Variants in NTM observed in about 807,000 individuals in gnomAD.
NTM encodes IgLON family member 2.
In NTM, 13 loss-of-function variants were observed where a neutral mutation model predicts 42.1. The ratio of observed to expected loss-of-function variants is 0.31; its 90% CI spans 0.20 to 0.49. The LOEUF is 0.49. NTM is among the 20% of genes least tolerant of loss of function. The pLI is 0.99. For missense variants in NTM, 373 were observed against 452.8 expected (o/e 0.82, Z 1.60); for synonymous variants, 187 against 179.2 (o/e 1.04, Z -0.35).
At chr11:131,750,242 T>C (rs2135687758) in intron 1 of NTM, among the ~76,000 whole-genome samples, 1 of 140,858 alleles carries the variant, frequency 7.1e-6, no homozygotes, top group Non-Finnish European at 1.6e-5. Context: ...GCCACCTTTG[T>C]CCAGGATCTA....
rs1483290986 is a variant in NTM at position 131,621,341 on chromosome 11, CCAAGT to C, written c.82+250454_82+250458del. Among the ~76,000 whole-genome samples, 5 of 151,904 alleles carry C rather than the reference CCAAGT, an allele frequency of 3.3e-5. No individual in the cohort carries two copies. In the East Asian group the frequency reaches 9.7e-4, roughly 29 times the overall value. On this transcript the variant is annotated intron_variant, in intron 1 of 8. Coordinates refer to ENST00000683400, the MANE Select transcript of NTM (RefSeq NM_001352005.2). Reference sequence around the variant, plus strand: ...CAGGTGTAAAGCATCACTTTTTTTGCCAAGTGGTCAGGAGATGAAGAGGGGAGAGG... The same window carrying C: ...CAGGTGTAAAGCATCACTTTTTTTGCGGTCAGGAGATGAAGAGGGGAGAGG...
chr11:131,796,453 C>T (rs1202712553), intron 1 of NTM, among the ~76,000 whole-genome samples: 1 of 152,218 alleles, frequency 6.6e-6, no homozygotes, highest in Non-Finnish European at 1.5e-5. Flanking sequence ...GAACTAGTGG[C>T]TGCTGCCAGT....
intron 3 of NTM, among the ~76,000 whole-genome samples, chr11:132,170,712 A>G (rs2075996344): frequency 6.6e-6 from 1 of 152,208 alleles, no homozygotes; most frequent in African/African-American, 2.4e-5. Context: ...ACCACTCATC[A>G]GTTTATTGTG....
rs535808536 is a variant in NTM, at chr11:132,318,343, G to A, written c.934+3640G>A. On this transcript the variant is annotated intron_variant, in intron 7 of 8. Transcript: ENST00000683400. ...TACAGAGTTGTTCCAACAGTCAATG[G>A]AGAATGCATGTTACAAAGGCTTTGA... is the stretch of plus-strand genomic sequence containing the variant. Among the ~76,000 whole-genome samples, 13 of 152,228 alleles carry A rather than the reference G, an allele frequency of 8.5e-5. No individual in the cohort carries two copies. The South Asian group carries it at 2.7e-3, about 32-fold the overall frequency.
intron 1 of NTM, among the ~76,000 whole-genome samples, chr11:131,433,005 C>T (rs1221601049): frequency 2.0e-5 from 3 of 151,746 alleles, no homozygotes; most frequent in African/African-American, 7.3e-5. Context: ...CAGGCGCCCG[C>T]CACCACGCCC....
At chr11:132,098,640 T>C (rs184942337) in intron 2 of NTM, among the ~76,000 whole-genome samples, 18 of 152,372 alleles carry the variant, frequency 1.2e-4, no homozygotes, top group Admixed American at 1.1e-3. Context: ...GTCTGGCTAC[T>C]AGCCCATAAA....
chr11:131,802,977 C>G (rs1252378982), intron 1 of NTM, among the ~76,000 whole-genome samples: 2 of 152,088 alleles, frequency 1.3e-5, no homozygotes, highest in African/African-American at 2.4e-5. Context: ...CAGCCCAGCT[C>G]CAGATTGTCG....
intron 1 of NTM, chr11:131,769,706 C>A: frequency 6.1e-6 from 2 of 329,070 alleles, no homozygotes; most frequent in African/African-American, 2.2e-5. Context: ...GCACACAAGG[C>A]GGCACAGCCA....
At chr11:131,521,760 G>A (rs1250876463) in intron 1 of NTM, among the ~76,000 whole-genome samples, 2 of 152,072 alleles carry the variant, frequency 1.3e-5, no homozygotes, top group African/African-American at 4.8e-5. Context: ...GAGGTTTGGA[G>A]GGTCAGCTGT....
At chr11:131,415,885 T>C (rs1293605508) in intron 1 of NTM, among the ~76,000 whole-genome samples, 3 of 152,210 alleles carry the variant, frequency 2.0e-5, no homozygotes, top group African/African-American at 7.2e-5. Context: ...TGTGTTTATT[T>C]TGGTAGTGGG....
intron 4 of NTM, among the ~76,000 whole-genome samples, chr11:132,222,108 C>T (rs1210335575): frequency 1.3e-5 from 2 of 152,172 alleles, no homozygotes; most frequent in Non-Finnish European, 2.9e-5. Flanking sequence ...CTCTGCATTC[C>T]ACCCTCCCCA....
chr11:132,189,771 G>A (rs1017404490), intron 3 of NTM, among the ~76,000 whole-genome samples: 52 of 152,086 alleles, frequency 3.4e-4, no homozygotes, highest in African/African-American at 1.3e-3. Flanking sequence ...CCAGAAATAT[G>A]TCTTTTAGTA....
chr11:131,408,314 G>C (rs1272351949), intron 1 of NTM, among the ~76,000 whole-genome samples: 1 of 152,222 alleles, frequency 6.6e-6, no homozygotes, highest in Non-Finnish European at 1.5e-5. Flanking sequence ...GCTTACGTAA[G>C]TTAGAAAGTG....
intron 1 of NTM, among the ~76,000 whole-genome samples, chr11:131,380,756 C>T (rs1310752385): frequency 6.6e-6 from 1 of 152,162 alleles, no homozygotes; most frequent in Non-Finnish European, 1.5e-5. Context: ...CCTGAGATCC[C>T]ACTAGGTATT....
At chr11:131,947,863 T>C (rs2134301585) in intron 2 of NTM, among the ~76,000 whole-genome samples, 1 of 152,298 alleles carries the variant, frequency 6.6e-6, no homozygotes, top group African/African-American at 2.4e-5. Flanking sequence ...GTATGAGGTT[T>C]AGATGATACA....
At chr11:131,689,195 C>T (rs1415818189) in intron 1 of NTM, among the ~76,000 whole-genome samples, 1 of 152,214 alleles carries the variant, frequency 6.6e-6, no homozygotes, top group Non-Finnish European at 1.5e-5. Flanking sequence ...AGCCAGTGCA[C>T]TGCCTGTGGC....
At chr11:132,060,035 A>G (rs1006618420) in intron 2 of NTM, among the ~76,000 whole-genome samples, 2 of 152,038 alleles carry the variant, frequency 1.3e-5, no homozygotes, top group Non-Finnish European at 2.9e-5. Context: ...CCTCTAGACA[A>G]GCTCATATCT....
chr11:132,157,273 C>T (rs1472673338), intron 3 of NTM, among the ~76,000 whole-genome samples: 1 of 152,114 alleles, frequency 6.6e-6, no homozygotes, highest in Non-Finnish European at 1.5e-5. Context: ...TGAAATCTGC[C>T]CCAAATTTAG....
chr11:131,755,398 C>A (rs1379116704), intron 1 of NTM, among the ~76,000 whole-genome samples: 1 of 152,056 alleles, frequency 6.6e-6, no homozygotes, highest in Non-Finnish European at 1.5e-5. Flanking sequence ...TTTCAGTTTA[C>A]CAAAGCAAAG....
Sources: allele counts gnomAD v4.1 joint callset (sites outside exome capture counted in the v4.1 genomes callset), GRCh38; gene constraint gnomAD v4.1.1; transcripts MANE v1.5; gene names NCBI Gene and HGNC (gene_info 2026-07-23, HGNC 2026-07-21).